MSRB3: variants seen among roughly 807,000 people sequenced by gnomAD.
The protein encoded by MSRB3 is methionine-R-sulfoxide reductase B3.
Under a neutral mutation model 21.0 loss-of-function variants are expected in MSRB3, and 13 were observed. The observed-to-expected ratio is 0.62, with a 90% CI of 0.40 to 0.98. The LOEUF (loss-of-function observed/expected upper bound fraction) is 0.98. Among genes scored for constraint, MSRB3 ranks in the 50% least tolerant of loss-of-function variants. The pLI, the probability that MSRB3 is intolerant of heterozygous loss-of-function variation, is 0.00. For synonymous variants in MSRB3, 87 were observed against 88.6 expected, an observed-to-expected ratio of 0.98 and a Z score of 0.10; for missense variants, 199 against 230.3, an observed-to-expected ratio of 0.86 and a Z score of 0.88.
chr12:65,451,814 G>A (rs151258666), intron 5 of MSRB3, among the ~76,000 whole-genome samples: 1 of 152,252 alleles, frequency 6.6e-6, no homozygotes, highest in African/African-American at 2.4e-5. Flanking sequence ...TGCTGTAATT[G>A]TTTATCTCAT....
rs367779918 is a variant in MSRB3 at position 65,399,197 on chromosome 12, C to T, written c.292+30171C>T. On this transcript the variant is annotated intron_variant, in intron 5 of 6. Transcript: ENST00000308259. Reference sequence around the variant, plus strand: ...ATTGAATCCATAAATTACTTTGAGCCGTACGGCCATTTTCATGATATTGAT... The same window carrying T: ...ATTGAATCCATAAATTACTTTGAGCTGTACGGCCATTTTCATGATATTGAT... 1.1e-4 allele frequency among the ~76,000 whole-genome samples: 16 copies of T among 152,044 alleles called. No individual in the cohort carries two copies. In the East Asian group the frequency reaches 1.9e-3, roughly 18 times the overall value.
At chr12:65,314,988 T>C (rs1046276812) in intron 2 of MSRB3, among the ~76,000 whole-genome samples, 3 of 152,178 alleles carry the variant, frequency 2.0e-5, no homozygotes, top group Admixed American at 1.3e-4. Flanking sequence ...TAACTCTTGC[T>C]CTCAACAAAC....
At chr12:65,334,989 T>C (rs1875667687) in intron 4 of MSRB3, among the ~76,000 whole-genome samples, 1 of 152,160 alleles carries the variant, frequency 6.6e-6, no homozygotes, top group African/African-American at 2.4e-5. Context: ...TAAATGTCTA[T>C]CTTACTACTG....
At chr12:65,340,643 G>A (rs1876077253) in intron 4 of MSRB3, among the ~76,000 whole-genome samples, 1 of 152,014 alleles carries the variant, frequency 6.6e-6, no homozygotes. Flanking sequence ...AAATTCTAGA[G>A]GTTGATCTTT....
At chr12:65,372,814 CAAACCAATTAAATA>C (rs1293157365) in intron 5 of MSRB3, among the ~76,000 whole-genome samples, 14 of 152,170 alleles carry the variant, frequency 9.2e-5, no homozygotes, top group African/African-American at 3.4e-4. Flanking sequence ...TGTGTGGATG[CAAACCAATTAAATA>C]AAAGAACTTA....
chr12:65,395,372 A>C (rs1001011950), intron 5 of MSRB3, among the ~76,000 whole-genome samples: 4 of 152,118 alleles, frequency 2.6e-5, no homozygotes, highest in African/African-American at 9.7e-5. Context: ...AGGCCGAGGC[A>C]GAAGAATCAC....
At chr12:65,390,379 T>C (rs1478242209) in intron 5 of MSRB3, among the ~76,000 whole-genome samples, 1 of 152,042 alleles carries the variant, frequency 6.6e-6, no homozygotes, top group Non-Finnish European at 1.5e-5. Context: ...TTCATAGGAA[T>C]AACCTAATAA....
At chr12:65,436,313 A>G (rs1882113200) in intron 5 of MSRB3, among the ~76,000 whole-genome samples, 1 of 151,928 alleles carries the variant, frequency 6.6e-6, no homozygotes, top group Non-Finnish European at 1.5e-5. Context: ...CATTTACACT[A>G]ATTACTACTT....
chr12:65,282,296 G>A (rs1872073264), intron 1 of MSRB3, among the ~76,000 whole-genome samples: 2 of 148,330 alleles, frequency 1.3e-5, no homozygotes, highest in African/African-American at 2.5e-5. Context: ...CAGCCTGGGC[G>A]ACAAGAGCAA....
chr12:65,405,837 G>A lies in MSRB3; in HGVS notation c.292+36811G>A, dbSNP rs147305013. On this transcript the variant is annotated intron_variant, in intron 5 of 6. Transcript: ENST00000308259. ...TTGCATTTTCCTGATGATTAGTGATGTTGAGCATTTTTTTCATATATTTGT... is the reference window on the plus strand; with the variant it reads ...TTGCATTTTCCTGATGATTAGTGATATTGAGCATTTTTTTCATATATTTGT... Among the ~76,000 whole-genome samples, 157 of 152,170 alleles carry A rather than the reference G, an allele frequency of 1.0e-3. 3 individuals carry two copies. The East Asian group carries it at 0.028, about 27-fold the overall frequency.
In MSRB3 at chr12:65,354,623, C is replaced by T. The variant is rs140787826; in HGVS notation, c.264-14375C>T. On this transcript the variant is annotated intron_variant, in intron 4 of 6. Transcript: ENST00000308259. ...GCATTGGTTATTCTATTTAGCCATT[C>T]GTTTAATTTTTTTTTAAGAAAGATC... 9.8e-3 allele frequency among the ~76,000 whole-genome samples: 1,484 copies of T among 151,712 alleles called. 19 individuals are homozygous for T. Among genetic ancestry groups the T allele is most frequent in the Non-Finnish European group, 0.014 (940 of 67,834 alleles).
chr12:65,340,559 C>A (rs1010022722), intron 4 of MSRB3, among the ~76,000 whole-genome samples: 1 of 151,856 alleles, frequency 6.6e-6, no homozygotes, highest in Non-Finnish European at 1.5e-5. Context: ...TGCTAAAAAT[C>A]AAAGGCAAGG....
Position 65,443,847 on chromosome 12 carries a change from ATAATAATGCTCC to A in MSRB3, c.293-9879_293-9868del, listed in dbSNP as rs571164151. Among the ~76,000 whole-genome samples the A allele has an allele frequency of 2.8e-3, 433 of 152,234 alleles. 2 individuals carry two copies. The highest frequency in any genetic ancestry group is 1.0e-2 in the African/African-American group (414 of 41,560). On this transcript the variant is annotated intron_variant, in intron 5 of 6. Coordinates refer to ENST00000308259, the MANE Select transcript of MSRB3 (RefSeq NM_001031679.3). Reference sequence around the variant, plus strand: ...TAAAAAGGAAACTCTGGACCCCTAAATAATAATGCTCCTTTCCATCTTCCCACCATCCCCTGG... The same window carrying A: ...TAAAAAGGAAACTCTGGACCCCTAAATTTCCATCTTCCCACCATCCCCTGG...
intron 1 of MSRB3, among the ~76,000 whole-genome samples, chr12:65,288,459 A>G (rs947384103): frequency 6.6e-6 from 1 of 152,150 alleles, no homozygotes; most frequent in African/African-American, 2.4e-5. Context: ...TGTGCGATTC[A>G]CTATAAGTGT....
At chr12:65,340,920 G>T (rs964030512) in intron 4 of MSRB3, among the ~76,000 whole-genome samples, 1 of 151,934 alleles carries the variant, frequency 6.6e-6, no homozygotes, top group Non-Finnish European at 1.5e-5. Context: ...AACCTCAGAA[G>T]AAATTGAGTT....
chr12:65,402,784 G>A (rs1046053877), intron 5 of MSRB3, among the ~76,000 whole-genome samples: 1 of 152,074 alleles, frequency 6.6e-6, no homozygotes, highest in African/African-American at 2.4e-5. Flanking sequence ...CTTTGGATGG[G>A]GTTTTGGTGT....
intron 4 of MSRB3, among the ~76,000 whole-genome samples, chr12:65,350,095 A>G (rs1876837631): frequency 6.6e-6 from 1 of 151,976 alleles, no homozygotes; most frequent in African/African-American, 2.4e-5. Flanking sequence ...TATAAGGTGT[A>G]AGGAAGGGAT....
chr12:65,300,742 C>T (rs1163672552), intron 1 of MSRB3, among the ~76,000 whole-genome samples: 1 of 152,146 alleles, frequency 6.6e-6, no homozygotes, highest in Non-Finnish European at 1.5e-5. Flanking sequence ...GGGAGCTCTG[C>T]CCCGTATCTC....
At chr12:65,280,329 T>C (rs888849832) in intron 1 of MSRB3, among the ~76,000 whole-genome samples, 1 of 152,368 alleles carries the variant, frequency 6.6e-6, no homozygotes, top group African/African-American at 2.4e-5. Context: ...ATAGCACTTC[T>C]TGGGAAATAC....
Sources: allele counts gnomAD v4.1 joint callset (sites outside exome capture counted in the v4.1 genomes callset), GRCh38; gene constraint gnomAD v4.1.1; transcripts MANE v1.5; gene names NCBI Gene and HGNC (gene_info 2026-07-23, HGNC 2026-07-21).